Variants in UNC13C observed in about 807,000 individuals in gnomAD.
UNC13C encodes the protein protein unc-13 homolog C.
Under a neutral mutation model 245.4 loss-of-function variants are expected in UNC13C, and 174 were observed. The ratio of observed to expected loss-of-function variants is 0.71; its 90% confidence interval spans 0.63 to 0.80. UNC13C has a LOEUF of 0.80. Among genes scored for constraint, UNC13C ranks in the 30% least tolerant of loss-of-function variants. The pLI is 0.00. For synonymous variants in UNC13C, 992 were observed against 895.1 expected, an observed-to-expected ratio of 1.11 and a Z score of -1.93; for missense variants, 2,829 against 2,602.9, an observed-to-expected ratio of 1.09 and a Z score of -1.89.
At chr15:54,452,535 G>C (rs988887489) in intron 19 of UNC13C, among the ~76,000 whole-genome samples, 1 of 152,218 alleles carries the variant, frequency 6.6e-6, no homozygotes, top group African/African-American at 2.4e-5. Flanking sequence ...AATGCTGGTG[G>C]ATAGGGCAGG....
intron 10 of UNC13C, among the ~76,000 whole-genome samples, chr15:54,289,686 T>C (rs1178448320): frequency 6.6e-6 from 1 of 152,086 alleles, no homozygotes; most frequent in Non-Finnish European, 1.5e-5. Context: ...GTGTGGGAAC[T>C]GGGTCAAATT....
In UNC13C at chr15:54,552,682, T is replaced by TACAA. The variant is rs1566905114; in HGVS notation, c.5878-2750_5878-2749insACAA. On this transcript the variant is annotated intron_variant, in intron 28 of 32. Coordinates refer to ENST00000260323, the MANE Select transcript of UNC13C (RefSeq NM_001080534.3). ...TATTATATTGTACTATATAATATAA[T>TACAA]TATATAATTATATATTATATATAAT... Among the ~76,000 whole-genome samples the TACAA allele has an allele frequency of 1.4e-3, 122 of 84,638 alleles. 1 individual carries two copies. The highest frequency in any genetic ancestry group is 2.3e-3 in the Non-Finnish European group (116 of 51,248). The allele number at this position is 84,638 out of a possible 152,430, so 55.5% of individuals were successfully genotyped here. A position where few individuals can be genotyped will look rare whatever the true frequency, so the allele number is the denominator to read the frequency against.
At chr15:54,050,108 T>A in intron 2 of UNC13C, 1 of 335,782 alleles carries the variant, frequency 3.0e-6, no homozygotes, top group Non-Finnish European at 5.9e-6. Context: ...TAGCTGCGAT[T>A]ACAGGCGCCC....
intron 4 of UNC13C, among the ~76,000 whole-genome samples, chr15:54,223,296 T>A (rs1446595770): frequency 2.0e-5 from 3 of 152,088 alleles, no homozygotes; most frequent in African/African-American, 7.2e-5. Flanking sequence ...AGTCTAGTTT[T>A]ATTCTTCTGT....
intron 2 of UNC13C, among the ~76,000 whole-genome samples, chr15:54,082,337 C>T (rs1202568270): frequency 6.7e-6 from 1 of 149,422 alleles, no homozygotes; most frequent in Non-Finnish European, 1.5e-5. Flanking sequence ...GGGCAATTTT[C>T]CTGAACTATT....
chr15:53,844,901 G>A, the UNC13C span, among the ~76,000 whole-genome samples: 1 of 152,152 alleles, frequency 6.6e-6, no homozygotes, highest in African/African-American at 2.4e-5. Context: ...TTGTCACCAT[G>A]TTGTCTTTGA....
the UNC13C span, among the ~76,000 whole-genome samples, chr15:53,851,502 A>G: frequency 6.6e-6 from 1 of 152,132 alleles, no homozygotes; most frequent in Non-Finnish European, 1.5e-5. Context: ...AGCCCCTGTT[A>G]CAGTAAACAG....
chr15:54,098,168 TTTTTATTTTA>T (rs959551606), intron 2 of UNC13C, among the ~76,000 whole-genome samples: 1 of 151,872 alleles, frequency 6.6e-6, no homozygotes, highest in African/African-American at 2.4e-5. Flanking sequence ...CTCTATAGCG[TTTTTATTTTA>T]TTTTATTTTA....
intron 2 of UNC13C, among the ~76,000 whole-genome samples, chr15:54,086,260 TC>T (rs756552520): frequency 1.4e-4 from 21 of 152,298 alleles, no homozygotes; most frequent in Non-Finnish European, 2.8e-4. Flanking sequence ...ATTCTCTATT[TC>T]CGTGTAGCCA....
chr15:54,592,747 G>C (rs1898863424), intron 30 of UNC13C, among the ~76,000 whole-genome samples: 1 of 151,976 alleles, frequency 6.6e-6, no homozygotes, highest in Non-Finnish European at 1.5e-5. Context: ...TATCCGTTCT[G>C]TGGTTCTGTA....
At chr15:54,029,508 A>T (rs1209890070) in intron 2 of UNC13C, among the ~76,000 whole-genome samples, 1 of 152,232 alleles carries the variant, frequency 6.6e-6, no homozygotes, top group African/African-American at 2.4e-5. Context: ...GAAAATATTT[A>T]TTAGCACCTA....
intron 19 of UNC13C, among the ~76,000 whole-genome samples, chr15:54,433,549 A>C (rs1396708856): frequency 6.6e-6 from 1 of 152,058 alleles, no homozygotes; most frequent in South Asian, 2.1e-4. Flanking sequence ...CATGCTAAAA[A>C]CTCTCAATAA....
chr15:54,372,449 G>T (rs2039508098), intron 17 of UNC13C, among the ~76,000 whole-genome samples: 1 of 152,020 alleles, frequency 6.6e-6, no homozygotes, highest in South Asian at 2.1e-4. Context: ...TAATACTCGT[G>T]ACCCAAGTTT....
At chr15:54,069,891 A>G (rs1004738570) in intron 2 of UNC13C, among the ~76,000 whole-genome samples, 4 of 152,250 alleles carry the variant, frequency 2.6e-5, no homozygotes, top group African/African-American at 9.6e-5. Flanking sequence ...TGGCCACAGA[A>G]GCAATGAAGA....
chr15:54,620,411 T>G (rs1566943813), intron 30 of UNC13C, among the ~76,000 whole-genome samples: 1 of 152,164 alleles, frequency 6.6e-6, no homozygotes, highest in Non-Finnish European at 1.5e-5. Context: ...ACAGCATAAG[T>G]CTTCCTTCAT....
Position 54,235,048 on chromosome 15 carries a change from T to C in UNC13C, c.3090T>C (p.Tyr1030=). ...CTTTCAGGGCTGGAGGTGGACTTTATGGTATTGACAGCATGCCGGATCTTC... is the reference window on the plus strand; with the variant it reads ...CTTTCAGGGCTGGAGGTGGACTTTACGGTATTGACAGCATGCCGGATCTTC... ...QVCGGAGGGL[Y]GIDSMPDLRR... is the part of the protein sequence containing the mutation. Residue 1030 remains tyrosine (Y), a synonymous_variant, in exon 5 of 33, where the codon TAT becomes TAC. Transcript: ENST00000260323. 6.2e-7 allele frequency: 1 copy of C among 1,613,968 alleles called. No individual in the cohort carries two copies. Among genetic ancestry groups the C allele is most frequent in the Non-Finnish European group, 8.5e-7 (1 of 1,179,850 alleles).
intron 17 of UNC13C, among the ~76,000 whole-genome samples, chr15:54,353,005 A>T (rs967360936): frequency 6.6e-6 from 1 of 152,208 alleles, no homozygotes; most frequent in Non-Finnish European, 1.5e-5. Flanking sequence ...GAAGCATTCA[A>T]AATTATGCAG....
intron 2 of UNC13C, among the ~76,000 whole-genome samples, chr15:54,060,611 T>A (rs1168746166): frequency 3.9e-5 from 6 of 152,104 alleles, no homozygotes; most frequent in African/African-American, 1.2e-4. Flanking sequence ...AGCCATCCCA[T>A]TACTGGGTAT....
Position 54,627,987 on chromosome 15 carries a change from A to AT in UNC13C, c.*879dup, listed in dbSNP as rs869066323. 1 of 152,414 alleles carries AT rather than the reference A, an allele frequency of 6.6e-6. No homozygotes were observed. Among genetic ancestry groups the AT allele is most frequent in the Non-Finnish European group, 1.5e-5 (1 of 67,986 alleles). The allele number at this position is 152,414 out of a possible 1,614,324, so 9.4% of individuals were successfully genotyped here. A position where few individuals can be genotyped will look rare whatever the true frequency, so the allele number is the denominator to read the frequency against. On this transcript the variant is annotated 3_prime_UTR_variant, in exon 33 of 33. Transcript: ENST00000260323. ...GACTCTATAATCAGTTCAATGCTTT[A>AT]TTTTTAAAAATATTCAATGATTAGT...
Sources: allele counts gnomAD v4.1 joint callset (sites outside exome capture counted in the v4.1 genomes callset), GRCh38; gene constraint gnomAD v4.1.1; transcripts MANE v1.5; gene names NCBI Gene and HGNC (gene_info 2026-07-23, HGNC 2026-07-21).